FLYWCH1: variants seen among roughly 807,000 people sequenced by gnomAD.
FLYWCH1 encodes the protein FLYWCH-type zinc finger 1.
A neutral mutation model predicts 66.4 loss-of-function variants in FLYWCH1; 75 were observed. That is an observed-to-expected ratio of 1.13 (90% CI 0.94 to 1.37). The LOEUF (loss-of-function observed/expected upper bound fraction) is 1.37. Among genes scored for constraint, FLYWCH1 ranks in the 40% most tolerant of loss-of-function variants. FLYWCH1 has a pLI of 0.00. For synonymous variants in FLYWCH1, 595 were observed against 429.9 expected (o/e 1.38, Z -4.75); for missense variants, 1,334 against 1,001.8 (o/e 1.33, Z -4.48).
At chr16:2,934,704 T>C (rs2070924560) in intron 6 of FLYWCH1, 3 of 454,962 alleles carry the variant, frequency 6.6e-6, no homozygotes, top group Non-Finnish European at 1.3e-5. Context: ...CTCTCGGACT[T>C]GAGAGCTGTG....
At chr16:2,917,059 G>A (rs1187481835) in intron 2 of FLYWCH1, among the ~76,000 whole-genome samples, 1 of 151,264 alleles carries the variant, frequency 6.6e-6, no homozygotes, top group Admixed American at 6.6e-5. Flanking sequence ...GGGAGGCTGA[G>A]GCAGGAGAAT....
At chr16:2,942,604 A>G (rs376333146) in intron 9 of FLYWCH1, among the ~76,000 whole-genome samples, 1 of 152,172 alleles carries the variant, frequency 6.6e-6, no homozygotes, top group East Asian at 1.9e-4. Context: ...ACCAAGTAAG[A>G]TTTATCCCAG....
At chr16:2,948,495 G>C (rs568050788) in intron 9 of FLYWCH1, among the ~76,000 whole-genome samples, 193 bp from the exon 10 acceptor site, 3 of 151,954 alleles carry the variant, frequency 2.0e-5, no homozygotes, top group African/African-American at 4.8e-5. Context: ...CCCAGGAGGC[G>C]GGGGGTGCAG....
intron 6 of FLYWCH1, 119 bp from the exon 7 acceptor site, chr16:2,937,002 G>C: frequency 1.6e-6 from 2 of 1,251,616 alleles, no homozygotes; most frequent in East Asian, 2.6e-5. Flanking sequence ...CCTGGGCTCC[G>C]GGGCCACCTC....
intron 2 of FLYWCH1, among the ~76,000 whole-genome samples, chr16:2,916,727 A>G (rs1378900582): frequency 6.6e-6 from 1 of 152,238 alleles, no homozygotes; most frequent in Non-Finnish European, 1.5e-5. Context: ...AGGCAAGTCC[A>G]GGATGCTTTC....
At position 2,923,216 on chromosome 16, in the gene FLYWCH1, G is replaced by A. The variant is rs768383179; in HGVS notation, c.-73-6397G>A. 1.7e-4 allele frequency: 54 copies of A among 325,146 alleles called. 1 individual carries two copies. Among genetic ancestry groups the A allele is most frequent in the South Asian group, 1.4e-3 (47 of 34,050 alleles). The allele number at this position is 325,146 out of a possible 1,614,324, so 20.1% of individuals were successfully genotyped here. The stretch of plus-strand genomic sequence containing the variant: ...ACAAGGGGCAGGAGCTCCCTTCTTC[G>A]CTTTCAGCGCCATCTTGTGAAGAGG... On this transcript the variant is annotated intron_variant, in intron 2 of 9. Transcript: ENST00000253928.
At chr16:2,915,683 G>A (rs747420273) in intron 2 of FLYWCH1, among the ~76,000 whole-genome samples, 11 of 151,380 alleles carry the variant, frequency 7.3e-5, no homozygotes, top group Non-Finnish European at 1.6e-4. Flanking sequence ...CAAGGTGGGC[G>A]GATCACGGGA....
intron 6 of FLYWCH1, among the ~76,000 whole-genome samples, 190 bp downstream of exon 6, chr16:2,934,169 C>T (rs1252727148): frequency 6.6e-6 from 1 of 152,184 alleles, no homozygotes. Flanking sequence ...GTCTCACCTT[C>T]CTGCTCAGCC....
intron 2 of FLYWCH1, among the ~76,000 whole-genome samples, chr16:2,926,550 G>T (rs1034624314): frequency 2.6e-5 from 4 of 152,172 alleles, no homozygotes; most frequent in African/African-American, 9.7e-5. Flanking sequence ...ATTTGCCTCA[G>T]GGCCTGGGAA....
chr16:2,933,154 T>G lies in FLYWCH1; in HGVS notation c.821T>G (p.Leu274Arg), dbSNP rs764835386. 1.9e-6 allele frequency: 3 copies of G among 1,613,574 alleles called. No homozygotes were observed. In the South Asian group the frequency reaches 3.3e-5, roughly 18 times the overall value. ...GLGQARPLEFLRTCYGGSFLV... is the reference protein window; with the variant it reads ...GLGQARPLEFRRTCYGGSFLV... Reference sequence around the variant, plus strand: ...GGACAGGCCCGGCCCCTCGAGTTCCTGAGGACGTGCTACGGGGGCAGCTTC... The same window carrying G: ...GGACAGGCCCGGCCCCTCGAGTTCCGGAGGACGTGCTACGGGGGCAGCTTC... The change falls in exon 5 of 10, where the codon CTG becomes CGG. Residue 274 changes from leucine (L) to arginine (R), a missense_variant. Coordinates refer to ENST00000253928, the MANE Select transcript of FLYWCH1 (RefSeq NM_001308068.2).
In FLYWCH1 at chr16:2,948,674, C is replaced by A. The variant is rs1256403567; in HGVS notation, c.2112-14C>A. ...TTTGATGTGTGCAATGAACATGTGT[C>A]TCTTTGTAATTAGGGACATCAAAGA... On this transcript the variant is annotated splice_polypyrimidine_tract_variant and intron_variant, in intron 9 of 9. Transcript: ENST00000253928. 1.2e-6 allele frequency: 2 copies of A among 1,612,920 alleles called. No individual in the cohort carries two copies. Among genetic ancestry groups the A allele is most frequent in the Non-Finnish European group, 1.7e-6 (2 of 1,179,080 alleles).
intron 9 of FLYWCH1, among the ~76,000 whole-genome samples, chr16:2,941,933 GTTGCAGTGAGTCGAGA>G (rs1217239678): frequency 7.1e-6 from 1 of 141,306 alleles, no homozygotes; most frequent in African/African-American, 2.6e-5. Context: ...GGAGGTGGAG[GTTGCAGTGAGTCGAGA>G]TTGCGCCACT....
At position 2,933,799 on chromosome 16, in the gene FLYWCH1, G is replaced by T; in HGVS notation, c.1333G>T (p.Gly445Trp). Reference sequence around the variant, plus strand: ...CCTCTACCGGCGGGAGAAGGCGGCTGGGGAGAAGGTGTATTGGACCTGCCG... The same window carrying T: ...CCTCTACCGGCGGGAGAAGGCGGCTTGGGAGAAGGTGTATTGGACCTGCCG... The part of the protein sequence containing the change: ...SFLYRREKAA[G>W]EKVYWTCRDQ... The change falls in exon 6 of 10, where the codon GGG (glycine) becomes TGG (tryptophan). Residue 445 changes from glycine to tryptophan, a missense_variant. Gly to Trp is a radical substitution (Grantham distance 184, BLOSUM62 -2). Coordinates refer to ENST00000253928, the MANE Select transcript of FLYWCH1 (RefSeq NM_001308068.2). 2 of 1,609,650 alleles carry T rather than the reference G, an allele frequency of 1.2e-6. No homozygotes were observed. Among genetic ancestry groups the T allele is most frequent in the Non-Finnish European group, 8.5e-7 (1 of 1,178,356 alleles).
intron 2 of FLYWCH1, among the ~76,000 whole-genome samples, chr16:2,924,113 G>A (rs552092850): frequency 2.6e-5 from 4 of 152,192 alleles, no homozygotes; most frequent in Admixed American, 2.0e-4. Context: ...GGCGGATCAC[G>A]AGGTCAGGAG....
rs753402849 is a variant in FLYWCH1, at chr16:2,933,150, T to G, written c.817T>G (p.Phe273Val). ...LGLGQARPLE[F>V]LRTCYGGSFL... is the part of the protein sequence containing the mutation. ...TCTAGGACAGGCCCGGCCCCTCGAG[T>G]TCCTGAGGACGTGCTACGGGGGCAG... The change falls in exon 5 of 10, where the codon TTC becomes GTC. Residue 273 changes from phenylalanine (F) to valine (V), a missense_variant. Physicochemically the swap from Phe to Val is conservative, Grantham distance 50. Coordinates refer to ENST00000253928, the MANE Select transcript of FLYWCH1 (RefSeq NM_001308068.2). 6 of 1,613,334 alleles carry G rather than the reference T, an allele frequency of 3.7e-6. No individual in the cohort carries two copies. Among genetic ancestry groups the G allele is most frequent in the Non-Finnish European group, 5.1e-6 (6 of 1,179,720 alleles).
At position 2,914,306 on chromosome 16, in the gene FLYWCH1, A is replaced by T. The variant is rs1596348581; in HGVS notation, c.-74+17A>T. On this transcript the variant is annotated intron_variant, in intron 2 of 9. Transcript: ENST00000253928. Reference sequence around the variant, plus strand: ...CGTGTGAAGGTAATTCTGTGGCTCCATCAGCTGCCGACAGAGCCGCCTGGT... The same window carrying T: ...CGTGTGAAGGTAATTCTGTGGCTCCTTCAGCTGCCGACAGAGCCGCCTGGT... 6.6e-6 allele frequency: 1 copy of T among 152,246 alleles called. No homozygotes were observed. The highest frequency in any genetic ancestry group is 2.4e-5 in the African/African-American group (1 of 41,462). 9.4% of individuals were successfully genotyped at this position (152,246 alleles called of 1,614,324 possible). A position where few individuals can be genotyped will look rare whatever the true frequency, so the allele number is the denominator to read the frequency against.
intron 2 of FLYWCH1, among the ~76,000 whole-genome samples, chr16:2,926,676 T>G (rs900883790): frequency 6.6e-6 from 1 of 152,242 alleles, no homozygotes; most frequent in African/African-American, 2.4e-5. Context: ...CAAAATCTAT[T>G]ACAGATGATA....
At chr16:2,912,756 C>A (rs1237476639) in intron 1 of FLYWCH1, among the ~76,000 whole-genome samples, 1 of 152,162 alleles carries the variant, frequency 6.6e-6, no homozygotes, top group African/African-American at 2.4e-5. Context: ...TGCTGCTAAC[C>A]CATGGAGCCT....
At chr16:2,923,592 A>G (rs2070454478) in intron 2 of FLYWCH1, among the ~76,000 whole-genome samples, 1 of 152,080 alleles carries the variant, frequency 6.6e-6, no homozygotes, top group East Asian at 1.9e-4. Context: ...TGTCCCTTAT[A>G]CTTCATATTT....
Sources: allele counts gnomAD v4.1 joint callset (sites outside exome capture counted in the v4.1 genomes callset), GRCh38; gene constraint gnomAD v4.1.1; transcripts MANE v1.5; gene names NCBI Gene and HGNC (gene_info 2026-07-23, HGNC 2026-07-21).